Variants in NCKAP5 observed in about 807,000 individuals in gnomAD.
The protein encoded by NCKAP5 is NCK associated protein 5.
A neutral mutation model predicts 167.0 loss-of-function variants in NCKAP5; 92 were observed. The observed-to-expected ratio is 0.55, with a 90% CI of 0.47 to 0.66. NCKAP5 has a LOEUF of 0.66. NCKAP5 is among the 30% of genes least tolerant of loss of function. The pLI is 0.00. For synonymous variants in NCKAP5, 891 were observed against 877.4 expected (o/e 1.02, Z -0.27); for missense variants, 2,378 against 2,315.0 (o/e 1.03, Z -0.56).
chr2:133,444,540 T>C (rs1408171651), intron 3 of NCKAP5, among the ~76,000 whole-genome samples: 3 of 145,540 alleles, frequency 2.1e-5, no homozygotes, highest in Non-Finnish European at 4.6e-5. Context: ...AACAAGAGGT[T>C]AGTGAACCCT....
At position 133,397,644 on chromosome 2, in the gene NCKAP5, T is replaced by A. The variant is rs114406593; in HGVS notation, c.70-94534A>T. On this transcript the variant is annotated intron_variant, in intron 3 of 19. Coordinates refer to ENST00000409261, the MANE Select transcript of NCKAP5 (RefSeq NM_207363.3). ...AGTGCTCTGGGGCTGCTGGGTACTATTAAGCAGGTTGTAGAGTGCACAGGG... is the reference window on the plus strand; with the variant it reads ...AGTGCTCTGGGGCTGCTGGGTACTAATAAGCAGGTTGTAGAGTGCACAGGG... Among the ~76,000 whole-genome samples, 1,434 of 152,312 alleles carry A rather than the reference T, an allele frequency of 9.4e-3. 17 individuals are homozygous for A. Among genetic ancestry groups the A allele is most frequent in the African/African-American group, 0.032 (1,348 of 41,576 alleles).
chr2:133,272,048 T>A (rs1339188371), intron 4 of NCKAP5, among the ~76,000 whole-genome samples: 2 of 151,996 alleles, frequency 1.3e-5, no homozygotes, highest in African/African-American at 4.8e-5. Flanking sequence ...AATATACTTA[T>A]AAAAATCCAT....
chr2:133,532,221 C>T (rs1049899781), intron 2 of NCKAP5, among the ~76,000 whole-genome samples: 4 of 152,164 alleles, frequency 2.6e-5, no homozygotes, highest in Admixed American at 6.5e-5. Flanking sequence ...GGACTTAAAA[C>T]GGTTTACCCC....
At chr2:133,438,366 A>G (rs1690627040) in intron 3 of NCKAP5, among the ~76,000 whole-genome samples, 1 of 152,222 alleles carries the variant, frequency 6.6e-6, no homozygotes, top group South Asian at 2.1e-4. Flanking sequence ...GGCAGAACTC[A>G]TTGAAACAAC....
the NCKAP5 span, among the ~76,000 whole-genome samples, chr2:133,606,498 G>A: frequency 2.8e-3 from 419 of 152,134 alleles, no homozygotes; most frequent in African/African-American, 6.6e-3. Flanking sequence ...AATACCCAAC[G>A]CCTCCTAAAA....
intron 6 of NCKAP5, among the ~76,000 whole-genome samples, chr2:133,065,707 A>C (rs538999677): frequency 3.3e-4 from 50 of 152,286 alleles, no homozygotes; most frequent in African/African-American, 1.2e-3. Context: ...GGCATGGTTC[A>C]CACTCTACCA....
At chr2:133,465,006 CTTTT>C (rs11314518) in intron 3 of NCKAP5, among the ~76,000 whole-genome samples, 2 of 143,544 alleles carry the variant, frequency 1.4e-5, no homozygotes, top group Non-Finnish European at 3.1e-5. Flanking sequence ...ACTGCTTTTG[CTTTT>C]TTTTTTTATT....
intron 5 of NCKAP5, among the ~76,000 whole-genome samples, chr2:133,144,223 T>C (rs1412891072): frequency 6.6e-6 from 1 of 152,098 alleles, no homozygotes; most frequent in African/African-American, 2.4e-5. Context: ...CATTTTAGGC[T>C]TGATGTGCCA....
At chr2:133,504,102 C>T (rs1682782619) in intron 3 of NCKAP5, among the ~76,000 whole-genome samples, 1 of 152,066 alleles carries the variant, frequency 6.6e-6, no homozygotes, top group African/African-American at 2.4e-5. Context: ...GGTTTAGCTC[C>T]ATGGGAAACT....
At chr2:133,128,604 T>G (rs921976401) in intron 6 of NCKAP5, among the ~76,000 whole-genome samples, 6 of 152,044 alleles carry the variant, frequency 3.9e-5, no homozygotes, top group African/African-American at 1.5e-4. Flanking sequence ...CTCTCTTTTT[T>G]TTTTTGTTTT....
intron 6 of NCKAP5, among the ~76,000 whole-genome samples, chr2:133,087,276 T>G (rs1206435818): frequency 1.3e-5 from 2 of 152,212 alleles, no homozygotes; most frequent in African/African-American, 4.8e-5. Context: ...ATAGCTAAAC[T>G]AAATTACTGG....
At chr2:133,671,076 G>A in the NCKAP5 span, among the ~76,000 whole-genome samples, 5 of 151,892 alleles carry the variant, frequency 3.3e-5, no homozygotes, top group African/African-American at 4.8e-5. Context: ...TTAGCTGGGC[G>A]TGGTGGCAGG....
At chr2:132,928,763 C>T (rs1696119797) in intron 8 of NCKAP5, among the ~76,000 whole-genome samples, 2 of 151,988 alleles carry the variant, frequency 1.3e-5, no homozygotes, top group African/African-American at 2.4e-5. Context: ...GCCAAGGGAG[C>T]AGACAGAAGC....
chr2:133,054,114 A>G (rs2079705515), intron 6 of NCKAP5, among the ~76,000 whole-genome samples: 1 of 152,200 alleles, frequency 6.6e-6, no homozygotes. Flanking sequence ...TAAGGCTAAA[A>G]GTATCTAAGC....
At chr2:133,626,692 T>C in the NCKAP5 span, among the ~76,000 whole-genome samples, 1 of 152,094 alleles carries the variant, frequency 6.6e-6, no homozygotes, top group Non-Finnish European at 1.5e-5. Flanking sequence ...TTATCTCTAA[T>C]GATATAATGT....
intron 4 of NCKAP5, among the ~76,000 whole-genome samples, chr2:133,245,586 A>G (rs2087937367): frequency 1.3e-5 from 2 of 152,084 alleles, no homozygotes; most frequent in Non-Finnish European, 2.9e-5. Flanking sequence ...CAGTATACTA[A>G]CACTTGATTT....
intron 8 of NCKAP5, among the ~76,000 whole-genome samples, chr2:132,960,601 T>C (rs957627335): frequency 2.0e-5 from 3 of 152,128 alleles, no homozygotes; most frequent in African/African-American, 4.8e-5. Flanking sequence ...GAGGAATTGA[T>C]TGACGAATGT....
the NCKAP5 span, among the ~76,000 whole-genome samples, chr2:133,597,275 C>T: frequency 6.6e-6 from 1 of 152,200 alleles, no homozygotes; most frequent in South Asian, 2.1e-4. Context: ...CCCAGACCTA[C>T]TGAATCAGAG....
chr2:133,047,495 T>C (rs749810456), intron 6 of NCKAP5, among the ~76,000 whole-genome samples: 4 of 152,238 alleles, frequency 2.6e-5, no homozygotes, highest in Non-Finnish European at 5.9e-5. Context: ...AGGTATTTGT[T>C]CCTCTGGCTA....
Sources: allele counts gnomAD v4.1 joint callset (sites outside exome capture counted in the v4.1 genomes callset), GRCh38; gene constraint gnomAD v4.1.1; transcripts MANE v1.5; gene names NCBI Gene and HGNC (gene_info 2026-07-23, HGNC 2026-07-21).